SIPA1L2: variants seen among roughly 807,000 people sequenced by gnomAD.
The protein encoded by SIPA1L2 is signal induced proliferation associated 1 like 2.
In SIPA1L2, 56 loss-of-function variants were observed where a neutral mutation model predicts 163.9. The observed-to-expected ratio is 0.34, with a 90% confidence interval of 0.28 to 0.43. SIPA1L2 has a LOEUF of 0.43. Among genes scored for constraint, SIPA1L2 ranks in the 20% least tolerant of loss-of-function variants. The pLI, the probability that SIPA1L2 is intolerant of heterozygous loss-of-function variation, is 1.00. For missense variants in SIPA1L2, 1,974 were observed against 2,193.5 expected (o/e 0.90, Z 2.00); for synonymous variants, 877 against 865.7 (o/e 1.01, Z -0.23).
chr1:232,482,316 G>A (rs1006465783), intron 6 of SIPA1L2, among the ~76,000 whole-genome samples: 3 of 152,090 alleles, frequency 2.0e-5, no homozygotes, highest in African/African-American at 7.2e-5. Context: ...ATTCACTGAA[G>A]AGAGACAACA....
intron 19 of SIPA1L2, among the ~76,000 whole-genome samples, chr1:232,409,229 C>G (rs1325822842): frequency 6.6e-6 from 1 of 152,160 alleles, no homozygotes; most frequent in Non-Finnish European, 1.5e-5. Context: ...CAAGTTAATT[C>G]AGGAAGCACC....
chr1:232,600,484 A>T (rs552182690), intron 1 of SIPA1L2, among the ~76,000 whole-genome samples: 1 of 152,306 alleles, frequency 6.6e-6, no homozygotes, highest in South Asian at 2.1e-4. Context: ...GAAAGTTATG[A>T]GTGTGAAGGG....
intron 1 of SIPA1L2, among the ~76,000 whole-genome samples, chr1:232,577,980 G>T (rs75339763): frequency 0.014 from 2,113 of 152,222 alleles, 51 homozygotes; most frequent in African/African-American, 0.048. Flanking sequence ...ATGAAAGGAA[G>T]AGCCGATTGA....
intron 1 of SIPA1L2, among the ~76,000 whole-genome samples, chr1:232,593,132 T>C (rs1445794320): frequency 1.3e-5 from 2 of 152,222 alleles, no homozygotes; most frequent in Non-Finnish European, 2.9e-5. Context: ...TTACATATTG[T>C]ATCACGTATT....
chr1:232,549,564 T>A (rs886207809), intron 2 of SIPA1L2, among the ~76,000 whole-genome samples: 1 of 152,184 alleles, frequency 6.6e-6, no homozygotes, highest in African/African-American at 2.4e-5. Flanking sequence ...CTGATGTTGA[T>A]GGGAGCTCCT....
intron 6 of SIPA1L2, among the ~76,000 whole-genome samples, chr1:232,483,131 T>A (rs1665449674): frequency 6.6e-6 from 1 of 151,470 alleles, no homozygotes; most frequent in Non-Finnish European, 1.5e-5. Flanking sequence ...AATTCATGCA[T>A]CCTAGGAGGG....
intron 1 of SIPA1L2, among the ~76,000 whole-genome samples, chr1:232,605,031 T>C (rs1573162202): frequency 6.6e-6 from 1 of 152,152 alleles, no homozygotes; most frequent in Non-Finnish European, 1.5e-5. Context: ...ACTGACTTAA[T>C]ATACAGGGTC....
chr1:232,475,779 C>T (rs1665015221), intron 7 of SIPA1L2, among the ~76,000 whole-genome samples: 1 of 152,112 alleles, frequency 6.6e-6, no homozygotes, highest in Admixed American at 6.6e-5. Flanking sequence ...GAACACTTTG[C>T]AAAGGAAGAA....
At position 232,399,070 on chromosome 1, in the gene SIPA1L2, T is replaced by C; in HGVS notation, c.*57A>G. ...AGCACACAGAAAAACCACATGTTTG[T>C]GACTTCAAAGGGACAAGGGGCATTT... On this transcript the variant is annotated 3_prime_UTR_variant, in exon 23 of 23. Transcript: ENST00000674635. The C allele has an allele frequency of 1.2e-6, 2 of 1,608,484 alleles. No individual in the cohort carries two copies. Among genetic ancestry groups the C allele is most frequent in the South Asian group, 1.1e-5 (1 of 90,572 alleles).
chr1:232,462,383 T>TAGCATTTAATA (rs1391084064), intron 9 of SIPA1L2: 23 of 1,484,416 alleles, frequency 1.5e-5, no homozygotes, highest in Non-Finnish European at 2.0e-5. Context: ...TCTGACTACA[T>TAGCATTTAATA]AGATACCTAT....
At chr1:232,613,026 T>C (rs1662330577) in intron 1 of SIPA1L2, among the ~76,000 whole-genome samples, 1 of 152,218 alleles carries the variant, frequency 6.6e-6, no homozygotes, top group Admixed American at 6.5e-5. Flanking sequence ...TCACGAGATC[T>C]GATGGTTTTC....
intron 3 of SIPA1L2, among the ~76,000 whole-genome samples, chr1:232,506,875 T>C (rs1021585967): frequency 4.0e-5 from 6 of 151,648 alleles, no homozygotes; most frequent in African/African-American, 1.2e-4. Context: ...TGAGCACTTA[T>C]GACTTACATT....
intron 1 of SIPA1L2, among the ~76,000 whole-genome samples, chr1:232,625,548 C>CCT (rs1663032633): frequency 6.6e-6 from 1 of 152,126 alleles, no homozygotes; most frequent in Non-Finnish European, 1.5e-5. Context: ...AAAGGAAACT[C>CCT]GTTGAGTCTG....
chr1:232,515,410 A>C lies in SIPA1L2; in HGVS notation c.-71T>G, dbSNP rs1667178220. On this transcript the variant is annotated 5_prime_UTR_variant, in exon 3 of 23. Coordinates refer to ENST00000674635, the MANE Select transcript of SIPA1L2 (RefSeq NM_020808.5). Reference sequence around the variant, plus strand: ...AAATCTAATTACATTGCTACCGACCACGCCATAATACTTGCAGATATAAAG... The same window carrying C: ...AAATCTAATTACATTGCTACCGACCCCGCCATAATACTTGCAGATATAAAG... The C allele has an allele frequency of 6.9e-7, 1 of 1,439,988 alleles. No individual in the cohort carries two copies. Among genetic ancestry groups the C allele is most frequent in the Non-Finnish European group, 9.3e-7 (1 of 1,079,044 alleles). 89.2% of individuals were successfully genotyped at this position (1,439,988 alleles called of 1,614,324 possible).
rs560949113 is a variant in SIPA1L2 at position 232,564,149 on chromosome 1, C to CGTGTGTGTGTGTGT, written c.-270+10011_-270+10024dup. Among the ~76,000 whole-genome samples the CGTGTGTGTGTGTGT allele has an allele frequency of 9.0e-5, 4 of 44,612 alleles. 1 individual carries two copies. Among genetic ancestry groups the CGTGTGTGTGTGTGT allele is most frequent in the African/African-American group, 5.7e-4 (4 of 7,010 alleles). The allele number at this position is 44,612 out of a possible 152,430, so 29.3% of individuals were successfully genotyped here. ...GACGAAGGTTGTTTTTTTTTTTTTT[C>CGTGTGTGTGTGTGT]GTGTGTGTGTGTGTGTGTGTGTGTG... is the stretch of plus-strand genomic sequence containing the variant. On this transcript the variant is annotated intron_variant, in intron 2 of 22. Coordinates refer to ENST00000674635, the MANE Select transcript of SIPA1L2 (RefSeq NM_020808.5).
intron 10 of SIPA1L2, among the ~76,000 whole-genome samples, chr1:232,454,084 C>G (rs757663853): frequency 2.8e-4 from 42 of 152,202 alleles, no homozygotes; most frequent in Non-Finnish European, 5.0e-4. Flanking sequence ...TCAAAGGCTT[C>G]CAACCGGGAG....
In SIPA1L2 at chr1:232,456,693, G is replaced by C. The variant is rs550110496; in HGVS notation, c.3095+4194C>G. On this transcript the variant is annotated intron_variant, in intron 10 of 22. Transcript: ENST00000674635. ...GAATGTCAGTCACCTTTGAAGGCCA[G>C]AGGCCAGGGCCATACCGGTGGCTGT... 1.1e-4 allele frequency among the ~76,000 whole-genome samples: 16 copies of C among 152,276 alleles called. 2 individuals are homozygous for C. In the South Asian group the frequency reaches 3.3e-3, roughly 32 times the overall value.
chr1:232,564,188 G>T (rs1319178760), intron 2 of SIPA1L2, among the ~76,000 whole-genome samples: 2 of 71,414 alleles, frequency 2.8e-5, no homozygotes, highest in African/African-American at 6.3e-5. Context: ...GTGTGTGTGT[G>T]TTTCATCATG....
intron 8 of SIPA1L2, among the ~76,000 whole-genome samples, chr1:232,470,396 T>C (rs1039169336): frequency 6.6e-6 from 1 of 152,150 alleles, no homozygotes; most frequent in African/African-American, 2.4e-5. Flanking sequence ...TAAGAACTGA[T>C]GGTTTTCAGA....
Sources: gnomAD v4.1 joint callset for allele counts (sites outside exome capture counted in the v4.1 genomes callset) on GRCh38, gnomAD v4.1.1 for gene constraint, MANE v1.5 for transcripts, NCBI Gene and HGNC (gene_info 2026-07-23, HGNC 2026-07-21) for gene names.